FBXL13: variants seen among roughly 807,000 people sequenced by gnomAD.
FBXL13 encodes the protein F-box and leucine-rich repeat protein 13.
A neutral mutation model predicts 83.6 loss-of-function variants in FBXL13; 67 were observed. The ratio of observed to expected loss-of-function variants is 0.80; its 90% confidence interval spans 0.66 to 0.98. The LOEUF (loss-of-function observed/expected upper bound fraction) is 0.98, where lower values mean the gene tolerates loss of function less well. FBXL13 is among the 50% of genes least tolerant of loss of function. FBXL13 has a pLI of 0.00. For synonymous variants in FBXL13, 272 were observed against 299.5 expected (o/e 0.91, Z 0.95); for missense variants, 822 against 866.5 (o/e 0.95, Z 0.64).
chr7:102,830,988 A>G (rs78515005), intron 18 of FBXL13, among the ~76,000 whole-genome samples: 1 of 152,178 alleles, frequency 6.6e-6, no homozygotes, highest in Non-Finnish European at 1.5e-5. Context: ...TCGGAAGGTC[A>G]GAGTACACGC....
intron 2 of FBXL13, among the ~76,000 whole-genome samples, chr7:103,041,601 G>A (rs1351292292): frequency 6.6e-6 from 1 of 152,188 alleles, no homozygotes; most frequent in Non-Finnish European, 1.5e-5. Context: ...GAATCCAGCA[G>A]CACATCAAAA....
intron 7 of FBXL13, among the ~76,000 whole-genome samples, chr7:102,964,290 G>A (rs897685364): frequency 2.1e-5 from 3 of 142,420 alleles, no homozygotes; most frequent in Non-Finnish European, 4.6e-5. Context: ...CAGCCTAGGT[G>A]ACAGAGCAAA....
intron 1 of FBXL13, among the ~76,000 whole-genome samples, chr7:103,065,785 G>C (rs1798337038): frequency 6.6e-6 from 1 of 152,208 alleles, no homozygotes; most frequent in African/African-American, 2.4e-5. Flanking sequence ...CCCTGAGACA[G>C]AGATAGTTCT....
At chr7:102,982,459 C>G (rs571619817) in intron 6 of FBXL13, among the ~76,000 whole-genome samples, 2 of 152,216 alleles carry the variant, frequency 1.3e-5, no homozygotes, top group South Asian at 2.1e-4. Context: ...TTTGCCCCAG[C>G]CTTGCAAGGT....
At chr7:102,993,083 G>A (rs1045826990) in intron 6 of FBXL13, among the ~76,000 whole-genome samples, 3 of 152,188 alleles carry the variant, frequency 2.0e-5, no homozygotes, top group African/African-American at 7.2e-5. Context: ...TTCCTTGATA[G>A]AGCAATGTGG....
At chr7:102,832,797 G>A in intron 18 of FBXL13, 43 bp downstream of exon 19, 1 of 1,611,192 alleles carries the variant, frequency 6.2e-7, no homozygotes, top group Non-Finnish European at 8.5e-7. Flanking sequence ...TCCCTTGGCA[G>A]TGCTTAAATT....
chr7:102,885,124 T>C (rs1332659115), intron 11 of FBXL13, among the ~76,000 whole-genome samples: 16 of 152,254 alleles, frequency 1.1e-4, no homozygotes, highest in Admixed American at 1.0e-3. Flanking sequence ...ATATCAGGTT[T>C]CAATTCTTTT....
At chr7:103,031,779 T>C (rs559355639) in intron 2 of FBXL13, among the ~76,000 whole-genome samples, 2 of 152,332 alleles carry the variant, frequency 1.3e-5, no homozygotes, top group South Asian at 4.1e-4. Context: ...AAATAATGAA[T>C]TCGTTGCAAA....
chr7:102,834,432 TTA>T (rs1173281749), intron 17 of FBXL13, among the ~76,000 whole-genome samples: 2 of 132,348 alleles, frequency 1.5e-5, no homozygotes, highest in Admixed American at 7.4e-5. Context: ...ATATGTGTGA[TTA>T]TATATATTAT....
intron 10 of FBXL13, among the ~76,000 whole-genome samples, chr7:102,923,997 TGG>T (rs1298275938): frequency 6.6e-6 from 1 of 152,154 alleles, no homozygotes; most frequent in African/African-American, 2.4e-5. Context: ...CCCAGCACTT[TGG>T]GAGGCCAAGG....
intron 18 of FBXL13, among the ~76,000 whole-genome samples, chr7:102,831,431 A>ACACACACACACACCCCC (rs1033135095): frequency 1.4e-5 from 2 of 147,126 alleles, no homozygotes; most frequent in African/African-American, 5.0e-5. Context: ...ACACACACAC[A>ACACACACACACACCCCC]CCCCACTACA....
intron 16 of FBXL13, among the ~76,000 whole-genome samples, chr7:102,861,432 C>T (rs755569120): frequency 3.7e-4 from 56 of 151,954 alleles, no homozygotes; most frequent in Non-Finnish European, 6.6e-4. Flanking sequence ...TGCAAAAATA[C>T]TCCTGAATTA....
chr7:103,074,381 A>T (rs1799417571), exon 1 of FBXL13: 1 of 1,067,138 alleles, frequency 9.4e-7, no homozygotes, highest in East Asian at 6.8e-5. Flanking sequence ...TCCACTCCTC[A>T]GGTACTTCTT....
At chr7:102,812,840 CTTTTTTTTTTTT>C (rs908090315), downstream of FBXL13, among the ~76,000 whole-genome samples, 6 of 122,566 alleles carry the variant, frequency 4.9e-5, no homozygotes, top group African/African-American at 9.0e-5. Flanking sequence ...GATTTGGCTT[CTTTTTTTTTTTT>C]TTTTTTTTGA....
intron 8 of FBXL13, chr7:102,944,878 CT>C (rs1563131421): frequency 3.0e-6 from 1 of 334,050 alleles, no homozygotes. Flanking sequence ...TGGCATTAGA[CT>C]TTCATAATGT....
intron 2 of FBXL13, among the ~76,000 whole-genome samples, chr7:103,045,065 G>C (rs1796131548): frequency 2.0e-5 from 3 of 152,246 alleles, no homozygotes; most frequent in Admixed American, 6.5e-5. Flanking sequence ...AGCAGATTCA[G>C]AGAGACTCCA....
intron 10 of FBXL13, among the ~76,000 whole-genome samples, chr7:102,913,811 T>C (rs1815259308): frequency 6.6e-6 from 1 of 152,188 alleles, no homozygotes; most frequent in South Asian, 2.1e-4. Context: ...AAAGACTAAT[T>C]GATATGCAGA....
At position 103,001,907 on chromosome 7, in the gene FBXL13, G is replaced by A. The variant is rs534796392; in HGVS notation, c.495+23156C>T. 1.3e-4 allele frequency among the ~76,000 whole-genome samples: 20 copies of A among 152,164 alleles called. No individual in the cohort carries two copies. The South Asian group carries it at 4.2e-3, about 32-fold the overall frequency. On this transcript the variant is annotated intron_variant, in intron 6 of 19. Transcript: ENST00000313221. Reference sequence around the variant, plus strand: ...CCCCAGCTTGCAGATAGCCTATTGTGGGACTTGTAATCATGAGAACCAGTT... The same window carrying A: ...CCCCAGCTTGCAGATAGCCTATTGTAGGACTTGTAATCATGAGAACCAGTT...
At chr7:102,941,345 T>C (rs1821382020) in intron 8 of FBXL13, among the ~76,000 whole-genome samples, 1 of 152,106 alleles carries the variant, frequency 6.6e-6, no homozygotes, top group African/African-American at 2.4e-5. Context: ...AGACCCTTTC[T>C]TGCAAGAAAA....
Sources: allele counts gnomAD v4.1 joint callset (sites outside exome capture counted in the v4.1 genomes callset), GRCh38; gene constraint gnomAD v4.1.1; transcripts MANE v1.5; gene names NCBI Gene and HGNC (gene_info 2026-07-23, HGNC 2026-07-21).